Variants in ANK1 observed in about 807,000 individuals in gnomAD.
The protein encoded by ANK1 is ankyrin 1.
ANK1 carries 51 observed loss-of-function variants against 210.4 expected under a neutral mutation model. The observed-to-expected ratio is 0.24, with a 90% CI of 0.19 to 0.31. The LOEUF is 0.31. ANK1 is among the 10% of genes least tolerant of loss of function. The pLI, the probability that ANK1 is intolerant of heterozygous loss-of-function variation, is 1.00. For missense variants in ANK1, 2,051 were observed against 2,504.4 expected (o/e 0.82, Z 3.86); for synonymous variants, 967 against 1,025.9 (o/e 0.94, Z 1.10).
At chr8:41,890,708 C>CAAAAAAAAAA (rs557921949) in intron 1 of ANK1, among the ~76,000 whole-genome samples, 1 of 63,000 alleles carries the variant, frequency 1.6e-5, no homozygotes, top group African/African-American at 4.3e-5. Context: ...GACTCCGTCT[C>CAAAAAAAAAA]AAAAAAAAAA....
In ANK1 at chr8:41,797,437, G is replaced by T. The variant is rs1280242542; in HGVS notation, c.27+75C>A. ...TGTGCAAAGCTGCTCTTGCTCGCGT[G>T]CTGCCTACTGGCGCGGCCTGGGTGG... On this transcript the variant is annotated intron_variant, in intron 1 of 42. Transcript: ENST00000289734. This position sits in a 1 kb window ranked among gnomAD's most constrained non-coding sequence, Gnocchi z 4.0. 8.7e-6 allele frequency: 12 copies of T among 1,377,728 alleles called. No individual in the cohort carries two copies. Among genetic ancestry groups the T allele is most frequent in the Non-Finnish European group, 1.2e-5 (12 of 985,664 alleles). 85.3% of individuals were successfully genotyped at this position (1,377,728 alleles called of 1,614,324 possible).
At chr8:41,779,768 T>TA (rs1336792982) in intron 1 of ANK1, among the ~76,000 whole-genome samples, 1 of 152,182 alleles carries the variant, frequency 6.6e-6, no homozygotes, top group Non-Finnish European at 1.5e-5. Context: ...ACAGAGAGGT[T>TA]AAAAAACTTG....
intron 1 of ANK1, among the ~76,000 whole-genome samples, chr8:41,794,419 A>AATG (rs1280611315): frequency 2.0e-5 from 3 of 152,168 alleles, no homozygotes; most frequent in Admixed American, 2.0e-4. Context: ...ATGGCACCTC[A>AATG]ATGAGGCTGT....
At chr8:41,881,233 A>C (rs960719171) in intron 1 of ANK1, among the ~76,000 whole-genome samples, 2 of 152,212 alleles carry the variant, frequency 1.3e-5, no homozygotes, top group Non-Finnish European at 2.9e-5. Context: ...TCTTTGTTCT[A>C]CATGTGAGAA....
chr8:41,772,005 C>T (rs984327757), intron 1 of ANK1, among the ~76,000 whole-genome samples: 1 of 152,158 alleles, frequency 6.6e-6, no homozygotes, highest in African/African-American at 2.4e-5. Flanking sequence ...GAGAACAGGT[C>T]CGGGCTGCTT....
At chr8:41,728,672 C>G (rs1028123897) in intron 3 of ANK1, among the ~76,000 whole-genome samples, 2 of 151,814 alleles carry the variant, frequency 1.3e-5, no homozygotes, top group Non-Finnish European at 2.9e-5. Context: ...GCGGCCATGT[C>G]AAAGGAACTC....
intron 1 of ANK1, among the ~76,000 whole-genome samples, chr8:41,820,080 T>C (rs1803961864): frequency 6.6e-6 from 1 of 151,430 alleles, no homozygotes; most frequent in Admixed American, 6.6e-5. Flanking sequence ...AGTCAGAAAA[T>C]AAAAATACTC....
At position 41,709,117 on chromosome 8, in the gene ANK1, T is replaced by TAAACAAACAAAC. The variant is rs111376912; in HGVS notation, c.1801-154_1801-143dup. On this transcript the variant is annotated intron_variant, in intron 16 of 42. Transcript: ENST00000289734. Reference sequence around the variant, plus strand: ...TGGCATCACCCAGGAGCAATTTAGGTAAACAAACAAACAAACAAAATCCAT... The same window carrying TAAACAAACAAAC: ...TGGCATCACCCAGGAGCAATTTAGGTAAACAAACAAACAAACAAACAAACAAACAAAATCCAT... 2.2e-4 allele frequency: 136 copies of TAAACAAACAAAC among 616,702 alleles called. 1 individual carries two copies. The highest frequency in any genetic ancestry group is 1.9e-3 in the African/African-American group (106 of 54,994). The allele number at this position is 616,702 out of a possible 1,614,324, so 38.2% of individuals were successfully genotyped here.
intron 1 of ANK1, among the ~76,000 whole-genome samples, chr8:41,785,366 C>T (rs1846130246): frequency 6.6e-6 from 1 of 152,066 alleles, no homozygotes. Flanking sequence ...TCTCTAAAAG[C>T]AATTAATTAG....
intron 1 of ANK1, among the ~76,000 whole-genome samples, chr8:41,820,778 C>T (rs542641666): frequency 1.3e-5 from 2 of 152,254 alleles, no homozygotes; most frequent in East Asian, 3.9e-4. Context: ...CATATGTACA[C>T]ACGAGAGTCC....
rs1246667376 is a variant in ANK1, at chr8:41,690,522, G to A, written c.3936C>T (p.Ser1312=). Reference sequence around the variant, plus strand: ...TCTCCCGAAATGACTGGAAGTGGAAGCTCCGCTGCTGGGCAGCTTTCTTCA... The same window carrying A: ...TCTCCCGAAATGACTGGAAGTGGAAACTCCGCTGCTGGGCAGCTTTCTTCA... The part of the protein sequence containing the change: ...VPVKKAAQQR[S]FHFQSFRENR... Residue 1312 remains serine, a synonymous_variant, in exon 32 of 43, where the codon AGC becomes AGT. Transcript: ENST00000289734. 6.2e-7 allele frequency: 1 copy of A among 1,614,054 alleles called. No individual in the cohort carries two copies. The highest frequency in any genetic ancestry group is 8.5e-7 in the Non-Finnish European group (1 of 1,180,028).
rs200746947 is a variant in ANK1 at position 41,696,350 on chromosome 8, C to A, written c.2960+13G>T. 7.2e-4 allele frequency: 1,157 copies of A among 1,612,672 alleles called. 3 individuals carry two copies. Among genetic ancestry groups the A allele is most frequent in the Middle Eastern group, 3.6e-3 (21 of 5,878 alleles). On this transcript the variant is annotated intron_variant, in intron 26 of 42. Coordinates refer to ENST00000289734, the MANE Select transcript of ANK1 (RefSeq NM_000037.4). Reference sequence around the variant, plus strand: ...GGGACAGGGGAGAACACGGGCTGCCCGCGCAAGCTCACCTCAGGAACTGTG... The same window carrying A: ...GGGACAGGGGAGAACACGGGCTGCCAGCGCAAGCTCACCTCAGGAACTGTG...
intron 17 of ANK1, among the ~76,000 whole-genome samples, chr8:41,707,573 C>A (rs569998771): frequency 2.6e-5 from 4 of 152,306 alleles, no homozygotes; most frequent in Admixed American, 6.5e-5. Flanking sequence ...GCCTCTCAGG[C>A]GGGCGCTCTG....
intron 4 of ANK1, 117 bp from the exon 5 acceptor site, chr8:41,727,465 T>A (rs1329501633): frequency 1.3e-6 from 1 of 772,180 alleles, no homozygotes; most frequent in African/African-American, 1.7e-5. Context: ...TCCTCCCACC[T>A]GACCCCTCCT....
chr8:41,837,408 A>G (rs1161400512), intron 1 of ANK1, among the ~76,000 whole-genome samples: 5 of 151,982 alleles, frequency 3.3e-5, no homozygotes, highest in Admixed American at 6.6e-5. Context: ...GTTGGGGGGG[A>G]AACACACTGA....
In ANK1 at chr8:41,655,655, G is replaced by A. The variant is rs1258512574; in HGVS notation, c.*135C>T. The A allele has an allele frequency of 6.4e-7, 1 of 1,558,098 alleles. No homozygotes were observed. The highest frequency in any genetic ancestry group is 2.2e-5 in the East Asian group (1 of 44,582). Reference sequence around the variant, plus strand: ...ACAGAGGTCATGCCGTCAGCCCAGAGGAATGTGTGCACCGCTGCGGTGGCC... The same window carrying A: ...ACAGAGGTCATGCCGTCAGCCCAGAAGAATGTGTGCACCGCTGCGGTGGCC... On this transcript the variant is annotated 3_prime_UTR_variant, in exon 43 of 43. Coordinates refer to ENST00000289734, the MANE Select transcript of ANK1 (RefSeq NM_000037.4).
At chr8:41,870,635 C>T (rs2150824629) in intron 1 of ANK1, among the ~76,000 whole-genome samples, 1 of 152,334 alleles carries the variant, frequency 6.6e-6, no homozygotes, top group Admixed American at 6.5e-5. Flanking sequence ...CGTGAGGGAA[C>T]ATTTGCTGGA....
At chr8:41,672,069 G>A (rs1585925699) in intron 38 of ANK1, among the ~76,000 whole-genome samples, 1 of 152,096 alleles carries the variant, frequency 6.6e-6, no homozygotes, top group Middle Eastern at 3.4e-3. Context: ...ATGTCCCTAA[G>A]TGAGCCCTCC....
intron 1 of ANK1, among the ~76,000 whole-genome samples, chr8:41,776,119 C>G (rs1458239972): frequency 6.6e-6 from 1 of 152,110 alleles, no homozygotes; most frequent in African/African-American, 2.4e-5. Flanking sequence ...AAGGGGCTGG[C>G]CCTGGGCTTT....
Sources: gnomAD v4.1 joint callset for allele counts (sites outside exome capture counted in the v4.1 genomes callset) on GRCh38, gnomAD v4.1.1 for gene constraint, Gnocchi (gnomAD v3.1) non-coding constraint, MANE v1.5 for transcripts, NCBI Gene and HGNC (gene_info 2026-07-23, HGNC 2026-07-21) for gene names.